Variants in RIGI observed in about 807,000 individuals in gnomAD.
RIGI encodes antiviral innate immune response receptor RIG-I.
the RIGI span, chr9:32,488,257 C>G: frequency 6.4e-7 from 1 of 1,566,248 alleles, no homozygotes; most frequent in East Asian, 2.2e-5. Flanking sequence ...TAAGGAACCA[C>G]AAAGATGAAA....
the RIGI span, among the ~76,000 whole-genome samples, chr9:32,477,512 A>T: frequency 0.02 from 2,992 of 152,340 alleles, 105 homozygotes; most frequent in African/African-American, 0.067. Flanking sequence ...TGATGTTAAT[A>T]CAATGTGGCT....
chr9:32,503,580 C>T, the RIGI span, among the ~76,000 whole-genome samples: 5 of 152,258 alleles, frequency 3.3e-5, no homozygotes, highest in African/African-American at 1.2e-4. Context: ...AAATGTGGGC[C>T]TGTCTTCCAC....
the RIGI span, chr9:32,487,927 G>A: frequency 3.0e-4 from 485 of 1,612,080 alleles, no homozygotes; most frequent in Non-Finnish European, 3.8e-4. Context: ...TGAAGCATTC[G>A]TCTGACTTTG....
chr9:32,487,400 CT>C, the RIGI span: 2 of 1,440,200 alleles, frequency 1.4e-6, no homozygotes, highest in Non-Finnish European at 1.9e-6. Flanking sequence ...CAGTATTCGT[CT>C]AGATGGCTCT....
chr9:32,494,083 T>C, the RIGI span: 1 of 665,166 alleles, frequency 1.5e-6, no homozygotes, highest in Non-Finnish European at 2.4e-6. Flanking sequence ...TGTCATTGAT[T>C]TTTCAAAAAG....
At chr9:32,473,276 A>C in the RIGI span, among the ~76,000 whole-genome samples, 1 of 146,806 alleles carries the variant, frequency 6.8e-6, no homozygotes, top group Non-Finnish European at 1.5e-5. Context: ...ATATGGTTTA[A>C]TCTCTAAGAC....
chr9:32,457,482 T>TA, the RIGI span: 4 of 1,105,692 alleles, frequency 3.6e-6, no homozygotes, highest in South Asian at 7.9e-5. Flanking sequence ...TAATTGTGAT[T>TA]TAAAAAAAAA....
At chr9:32,521,593 TCAAA>T in the RIGI span, among the ~76,000 whole-genome samples, 1 of 152,178 alleles carries the variant, frequency 6.6e-6, no homozygotes, top group Non-Finnish European at 1.5e-5. Context: ...TTTTTTAACC[TCAAA>T]CTAACTTTTT....
the RIGI span, chr9:32,487,677 CAAT>C: frequency 2.5e-6 from 4 of 1,598,308 alleles, no homozygotes; most frequent in Non-Finnish European, 3.4e-6. Flanking sequence ...AGAAATGGTA[CAAT>C]GTTTCCACAA....
the RIGI span, among the ~76,000 whole-genome samples, chr9:32,477,463 C>T: frequency 1.1e-4 from 17 of 152,156 alleles, 1 homozygote; most frequent in African/African-American, 4.1e-4. Flanking sequence ...AAGTACCCAA[C>T]AATAGGGAAA....
the RIGI span, among the ~76,000 whole-genome samples, chr9:32,502,338 G>A: frequency 6.6e-6 from 1 of 152,168 alleles, no homozygotes; most frequent in Non-Finnish European, 1.5e-5. Context: ...TTTATGTGAC[G>A]ATGTATATAT....
the RIGI span, among the ~76,000 whole-genome samples, chr9:32,473,960 A>G: frequency 6.6e-6 from 1 of 152,200 alleles, no homozygotes; most frequent in African/African-American, 2.4e-5. Flanking sequence ...CCGGGGAGGC[A>G]TAGGTTGCAG....
At chr9:32,497,925 T>C in the RIGI span, among the ~76,000 whole-genome samples, 5 of 152,246 alleles carry the variant, frequency 3.3e-5, no homozygotes, top group Non-Finnish European at 5.9e-5. Context: ...AAATTAAAAG[T>C]ACTGTTTTTA....
chr9:32,508,258 T>TTTTTTTTA, the RIGI span, among the ~76,000 whole-genome samples: 4 of 138,046 alleles, frequency 2.9e-5, no homozygotes, highest in African/African-American at 1.2e-4. Flanking sequence ...TTTTTTTTTT[T>TTTTTTTTA]ACTATATGAA....
At chr9:32,507,611 T>C in the RIGI span, among the ~76,000 whole-genome samples, 1 of 152,112 alleles carries the variant, frequency 6.6e-6, no homozygotes, top group Non-Finnish European at 1.5e-5. Context: ...TATGCATTTA[T>C]TTAATATATA....
At chr9:32,467,924 G>C in the RIGI span, 1 of 1,587,154 alleles carries the variant, frequency 6.3e-7, no homozygotes, top group Non-Finnish European at 8.6e-7. Flanking sequence ...TGTGCCGGGA[G>C]GGTCATTCCT....
At chr9:32,483,823 A>G in the RIGI span, among the ~76,000 whole-genome samples, 1 of 151,862 alleles carries the variant, frequency 6.6e-6, no homozygotes, top group Non-Finnish European at 1.5e-5. Flanking sequence ...GGAAGTCCCT[A>G]TACTCTTTCT....
chr9:32,508,609 A>T, the RIGI span, among the ~76,000 whole-genome samples: 1 of 151,988 alleles, frequency 6.6e-6, no homozygotes, highest in Non-Finnish European at 1.5e-5. Flanking sequence ...CAACCAGCAG[A>T]CCAGGAGATT....
the RIGI span, among the ~76,000 whole-genome samples, chr9:32,521,163 C>A: frequency 8.7e-3 from 481 of 55,520 alleles, no homozygotes; most frequent in Non-Finnish European, 0.013. Context: ...AAAAAAAAAA[C>A]TTCACAGAAA....
Sources: gnomAD v4.1 joint callset for allele counts (sites outside exome capture counted in the v4.1 genomes callset) on GRCh38, gnomAD v4.1.1 for gene constraint, MANE v1.5 for transcripts, NCBI Gene and HGNC (gene_info 2026-07-23, HGNC 2026-07-21) for gene names.